The following AMBRA1 variants were observed in gnomAD, a reference collection of about 807,000 sequenced individuals.
AMBRA1 encodes activating molecule in BECN1-regulated autophagy protein 1.
AMBRA1 carries 47 observed loss-of-function variants against 125.4 expected under a neutral mutation model. The ratio of observed to expected loss-of-function variants is 0.37; its 90% CI spans 0.30 to 0.48. The LOEUF (loss-of-function observed/expected upper bound fraction) is 0.48. AMBRA1 is among the 20% of genes least tolerant of loss of function. The probability of loss-of-function intolerance (pLI) is 0.99; values close to 1 mark genes in which losing one functional copy is unlikely to be tolerated. For missense variants in AMBRA1, 1,331 were observed against 1,693.4 expected, an observed-to-expected ratio of 0.79 and a Z score of 3.76; for synonymous variants, 626 against 655.5, an observed-to-expected ratio of 0.95 and a Z score of 0.69.
chr11:46,415,006 T>C (rs781687172), intron 15 of AMBRA1, among the ~76,000 whole-genome samples: 3 of 151,936 alleles, frequency 2.0e-5, no homozygotes, highest in African/African-American at 4.8e-5. Context: ...GAGCACAAAA[T>C]GGGGTGCAGC....
intron 17 of AMBRA1, among the ~76,000 whole-genome samples, chr11:46,398,711 C>T (rs1945573453): frequency 6.6e-6 from 1 of 152,120 alleles, no homozygotes; most frequent in Non-Finnish European, 1.5e-5. Context: ...CTCCTGATCT[C>T]GTGATCTGCC....
chr11:46,479,644 C>T (rs2136914713), intron 11 of AMBRA1, among the ~76,000 whole-genome samples: 1 of 152,198 alleles, frequency 6.6e-6, no homozygotes, highest in African/African-American at 2.4e-5. Flanking sequence ...TTGCAGTGAG[C>T]TGAGACTACA....
At chr11:46,438,348 G>C (rs1243016314) in intron 12 of AMBRA1, among the ~76,000 whole-genome samples, 1 of 152,196 alleles carries the variant, frequency 6.6e-6, no homozygotes, top group Non-Finnish European at 1.5e-5. Flanking sequence ...AAATGCCCTA[G>C]CAGGGAATGG....
chr11:46,448,039 C>T (rs956184462), intron 11 of AMBRA1, among the ~76,000 whole-genome samples: 8 of 152,186 alleles, frequency 5.3e-5, no homozygotes, highest in African/African-American at 1.9e-4. Flanking sequence ...CATCAACAGA[C>T]AGCTTATAGA....
chr11:46,497,124 T>TA (rs1269559909), intron 9 of AMBRA1, among the ~76,000 whole-genome samples: 2 of 150,840 alleles, frequency 1.3e-5, no homozygotes, highest in Non-Finnish European at 3.0e-5. Context: ...AATAAATAAA[T>TA]AAATAAAATA....
At chr11:46,461,320 G>A (rs1408402657) in intron 11 of AMBRA1, among the ~76,000 whole-genome samples, 2 of 152,156 alleles carry the variant, frequency 1.3e-5, no homozygotes, top group Non-Finnish European at 2.9e-5. Context: ...AGGGCAAAAT[G>A]TCAATAACTA....
At chr11:46,510,157 G>A (rs1020344002) in intron 8 of AMBRA1, among the ~76,000 whole-genome samples, 15 of 152,166 alleles carry the variant, frequency 9.9e-5, no homozygotes, top group South Asian at 2.1e-4. Flanking sequence ...GAACACCAAC[G>A]AGTCAATATT....
At chr11:46,406,110 G>C (rs1211052920) in intron 17 of AMBRA1, among the ~76,000 whole-genome samples, 2 of 151,686 alleles carry the variant, frequency 1.3e-5, no homozygotes, top group African/African-American at 4.8e-5. Context: ...CTGGAGTGCA[G>C]TGGTGTGATT....
At chr11:46,406,054 TATTG>T (rs201519408) in intron 17 of AMBRA1, among the ~76,000 whole-genome samples, 17 of 150,480 alleles carry the variant, frequency 1.1e-4, no homozygotes, top group Non-Finnish European at 2.1e-4. Context: ...TTTATTTATT[TATTG>T]TATTATTATT....
intron 1 of AMBRA1, among the ~76,000 whole-genome samples, chr11:46,561,810 T>C (rs746515263): frequency 1.9e-4 from 29 of 152,110 alleles, no homozygotes; most frequent in Non-Finnish European, 3.2e-4. Context: ...TCTTAGCCAA[T>C]CAAAAGAAGG....
chr11:46,587,075 C>T (rs1412972412), intron 1 of AMBRA1, among the ~76,000 whole-genome samples: 2 of 152,126 alleles, frequency 1.3e-5, no homozygotes, highest in East Asian at 3.8e-4. Flanking sequence ...TGCTTCAGCT[C>T]ATTTTAAAGA....
intron 11 of AMBRA1, among the ~76,000 whole-genome samples, chr11:46,487,842 G>A (rs1950316010): frequency 1.3e-5 from 2 of 152,020 alleles, no homozygotes; most frequent in Middle Eastern, 3.4e-3. Context: ...AATGTGAATG[G>A]ACTAAACAAT....
At chr11:46,486,487 A>G (rs764532380) in intron 11 of AMBRA1, among the ~76,000 whole-genome samples, 4 of 152,260 alleles carry the variant, frequency 2.6e-5, no homozygotes, top group Non-Finnish European at 4.4e-5. Flanking sequence ...AAAGTTAGCA[A>G]GCCTGAGGCT....
At chr11:46,548,590 T>C (rs1362218717) in intron 1 of AMBRA1, 90 bp from the exon 2 acceptor site, 4 of 577,008 alleles carry the variant, frequency 6.9e-6, no homozygotes, top group Non-Finnish European at 1.2e-5. Context: ...AGGGAAATTA[T>C]ACTTTTCCTA....
chr11:46,471,253 C>T (rs1949574328), intron 11 of AMBRA1, among the ~76,000 whole-genome samples: 1 of 151,912 alleles, frequency 6.6e-6, no homozygotes. Flanking sequence ...ACCAGCCTGG[C>T]CAACATGGCA....
intron 11 of AMBRA1, among the ~76,000 whole-genome samples, chr11:46,468,681 G>T (rs1281469816): frequency 7.3e-5 from 11 of 151,448 alleles, no homozygotes; most frequent in African/African-American, 2.7e-4. Context: ...GTGTGGTGGC[G>T]GGCGCCTGTA....
chr11:46,401,183 G>A (rs1477035338), intron 17 of AMBRA1, among the ~76,000 whole-genome samples: 1 of 152,192 alleles, frequency 6.6e-6, no homozygotes, highest in Non-Finnish European at 1.5e-5. Context: ...GGGGCGTGCT[G>A]TGGCTGGCCT....
chr11:46,569,413 A>AT lies in AMBRA1; in HGVS notation c.-120-20914dup, dbSNP rs1591150023. On this transcript the variant is annotated intron_variant, in intron 1 of 17. Coordinates refer to ENST00000683756, the MANE Select transcript of AMBRA1 (RefSeq NM_001387011.1). ...CCTACCTTTTTCACCTATTATCACTATATCACTGAGAGATTAAAAAAAAAA... is the reference window on the plus strand; with the variant it reads ...CCTACCTTTTTCACCTATTATCACTATTATCACTGAGAGATTAAAAAAAAAA... Among the ~76,000 whole-genome samples the AT allele has an allele frequency of 2.2e-5, 3 of 137,824 alleles. No homozygotes were observed. In the East Asian group the frequency reaches 6.2e-4, roughly 28 times the overall value. The allele number at this position is 137,824 out of a possible 152,430, so 90.4% of individuals were successfully genotyped here.
intron 10 of AMBRA1, 73 bp downstream of exon 10, chr11:46,494,051 C>T (rs1276515549): frequency 2.1e-6 from 3 of 1,414,656 alleles, no homozygotes; most frequent in South Asian, 2.5e-5. Context: ...ATTCAAAGAC[C>T]AGAAAGTAGG....
Sources: allele counts gnomAD v4.1 joint callset (sites outside exome capture counted in the v4.1 genomes callset), GRCh38; gene constraint gnomAD v4.1.1; transcripts MANE v1.5; gene names NCBI Gene and HGNC (gene_info 2026-07-23, HGNC 2026-07-21).